The following FMN2 variants were observed in gnomAD, a reference collection of about 807,000 sequenced individuals.
FMN2 encodes formin 2.
FMN2 carries 51 observed loss-of-function variants against 142.3 expected under a neutral mutation model. The ratio of observed to expected loss-of-function variants is 0.36; its 90% CI spans 0.29 to 0.45. The LOEUF (loss-of-function observed/expected upper bound fraction) is 0.45, where lower values mean the gene tolerates loss of function less well. FMN2 is among the 20% of genes least tolerant of loss of function. The probability of loss-of-function intolerance (pLI) is 1.00; values close to 1 mark genes in which losing one functional copy is unlikely to be tolerated. For missense variants in FMN2, 1,936 were observed against 2,122.8 expected (o/e 0.91, Z 1.73); for synonymous variants, 882 against 869.8 (o/e 1.01, Z -0.25).
chr1:240,433,879 T>C (rs1675264287), intron 15 of FMN2, among the ~76,000 whole-genome samples: 1 of 152,212 alleles, frequency 6.6e-6, no homozygotes, highest in African/African-American at 2.4e-5. Flanking sequence ...CCTAGGTCTT[T>C]GTAGGTCTGT....
rs1291244444 is a variant in FMN2 at position 240,473,919 on chromosome 1, A to C, written c.5143-209A>C. ...AATTTTTAAAACTTTTTTTTTTCTC[A>C]AAAGTATTTGGCGATTTGTCTTGAT... On this transcript the variant is annotated intron_variant, in intron 17 of 17. Coordinates refer to ENST00000319653, the MANE Select transcript of FMN2 (RefSeq NM_020066.5). The surrounding 1 kb of genome is among the most constrained non-coding windows in gnomAD (Gnocchi z 4.3). 6.6e-6 allele frequency among the ~76,000 whole-genome samples: 1 copy of C among 151,496 alleles called. No homozygotes were observed. Among genetic ancestry groups the C allele is most frequent in the Non-Finnish European group, 1.5e-5 (1 of 67,860 alleles).
intron 1 of FMN2, among the ~76,000 whole-genome samples, chr1:240,120,009 C>A (rs1414222066): frequency 6.6e-6 from 1 of 152,144 alleles, no homozygotes; most frequent in South Asian, 2.1e-4. Context: ...AACTGAAGTT[C>A]TGTAGGGGAA....
chr1:240,148,222 AGAGAGACAGAGACC>A (rs147120370), intron 2 of FMN2, among the ~76,000 whole-genome samples: 68,907 of 147,846 alleles, frequency 0.47, 16,873 homozygotes, highest in South Asian at 0.65. Flanking sequence ...AGACAGAGAC[AGAGAGACAGAGACC>A]GAGAGAGACA....
intron 3 of FMN2, among the ~76,000 whole-genome samples, chr1:240,187,083 G>A (rs1445157297): frequency 2.0e-5 from 3 of 149,150 alleles, no homozygotes; most frequent in Non-Finnish European, 4.5e-5. Context: ...TGGCCAACAT[G>A]GTGAAACCCC....
intron 3 of FMN2, among the ~76,000 whole-genome samples, chr1:240,183,973 T>G (rs1665265383): frequency 6.6e-6 from 1 of 152,168 alleles, no homozygotes; most frequent in South Asian, 2.1e-4. Context: ...ACTTCATTCA[T>G]TTTTAGAAGG....
chr1:240,214,305 A>C (rs569528377), intron 6 of FMN2, among the ~76,000 whole-genome samples: 79 of 152,228 alleles, frequency 5.2e-4, no homozygotes, highest in Non-Finnish European at 1.0e-3. Context: ...TAATCCCAGC[A>C]CTTTCAGAGG....
chr1:240,234,902 A>G (rs972603031), intron 6 of FMN2, among the ~76,000 whole-genome samples: 81 of 152,314 alleles, frequency 5.3e-4, no homozygotes, highest in Non-Finnish European at 9.0e-4. Flanking sequence ...GTCAGCTTCT[A>G]ATGTTTGTAA....
At chr1:240,292,345 A>G (rs1185562612) in intron 7 of FMN2, among the ~76,000 whole-genome samples, 3 of 152,230 alleles carry the variant, frequency 2.0e-5, no homozygotes, top group Admixed American at 2.0e-4. Context: ...TAAAAAATGC[A>G]TTCAGTCATT....
intron 7 of FMN2, among the ~76,000 whole-genome samples, chr1:240,265,917 G>GTTTTTTTTTTTTTTT (rs34557711): frequency 2.9e-5 from 4 of 136,010 alleles, no homozygotes; most frequent in Non-Finnish European, 3.1e-5. Flanking sequence ...AAAGGGGTTT[G>GTTTTTTTTTTTTTTT]TTTTTTTTTT....
intron 16 of FMN2, among the ~76,000 whole-genome samples, chr1:240,457,105 A>G (rs922826904): frequency 1.3e-5 from 2 of 152,228 alleles, no homozygotes; most frequent in Admixed American, 1.3e-4. Flanking sequence ...ACAACAGATT[A>G]CACCTCTCAA....
chr1:240,330,894 G>T (rs1671352292), intron 11 of FMN2, 145 bp downstream of exon 11: 1 of 906,604 alleles, frequency 1.1e-6, no homozygotes, highest in Admixed American at 3.5e-5. Flanking sequence ...AAAAAGTAAT[G>T]TCCATCAGAT....
intron 7 of FMN2, among the ~76,000 whole-genome samples, chr1:240,286,923 T>C (rs1359128283): frequency 6.6e-6 from 1 of 152,208 alleles, no homozygotes; most frequent in Non-Finnish European, 1.5e-5. Flanking sequence ...TGTGGTGTAA[T>C]TGTTGTGTAG....
intron 7 of FMN2, among the ~76,000 whole-genome samples, chr1:240,290,968 C>G (rs373650921): frequency 3.3e-5 from 5 of 151,814 alleles, no homozygotes; most frequent in African/African-American, 1.2e-4. Context: ...CATGCACCAC[C>G]ACACCTGGCT....
At chr1:240,232,576 T>C (rs1667565224) in intron 6 of FMN2, among the ~76,000 whole-genome samples, 1 of 152,268 alleles carries the variant, frequency 6.6e-6, no homozygotes, top group African/African-American at 2.4e-5. Flanking sequence ...TACTCTTTTC[T>C]GTATTCATGT....
At chr1:240,360,268 G>A (rs761249160) in intron 14 of FMN2, among the ~76,000 whole-genome samples, 2 of 152,132 alleles carry the variant, frequency 1.3e-5, no homozygotes, top group African/African-American at 2.4e-5. Flanking sequence ...CTTATACCTC[G>A]ATGAGAAACA....
At chr1:240,380,884 A>C (rs1673204606) in intron 14 of FMN2, among the ~76,000 whole-genome samples, 1 of 152,196 alleles carries the variant, frequency 6.6e-6, no homozygotes, top group South Asian at 2.1e-4. Context: ...AAGCACAATC[A>C]GAAATGATAA....
At chr1:240,293,826 G>T (rs778167743) in intron 7 of FMN2, among the ~76,000 whole-genome samples, 5 of 152,044 alleles carry the variant, frequency 3.3e-5, no homozygotes, top group African/African-American at 4.8e-5. Flanking sequence ...ACCTTGTTTA[G>T]ATTTCTTATC....
At position 240,473,512 on chromosome 1, in the gene FMN2, G is replaced by A. The variant is rs191795645; in HGVS notation, c.5143-616G>A. ...GAATTAGTCTAATGTAGTCTAAAGG[G>A]AAAAGACATTAAAATAACCCAAATT... On this transcript the variant is annotated intron_variant, in intron 17 of 17. Coordinates refer to ENST00000319653, the MANE Select transcript of FMN2 (RefSeq NM_020066.5). The surrounding 1 kb of genome is among the most constrained non-coding windows in gnomAD (Gnocchi z 4.3). 1.3e-5 allele frequency among the ~76,000 whole-genome samples: 2 copies of A among 152,242 alleles called. No individual in the cohort carries two copies. Among genetic ancestry groups the A allele is most frequent in the East Asian group, 3.9e-4 (2 of 5,182 alleles).
intron 13 of FMN2, among the ~76,000 whole-genome samples, chr1:240,352,494 A>G (rs1314649821): frequency 6.6e-6 from 1 of 152,150 alleles, no homozygotes; most frequent in East Asian, 1.9e-4. Context: ...AGGCACAAGA[A>G]TCGCTTGAAC....
Sources: gnomAD v4.1 joint callset for allele counts (sites outside exome capture counted in the v4.1 genomes callset) on GRCh38, gnomAD v4.1.1 for gene constraint, Gnocchi (gnomAD v3.1) non-coding constraint, MANE v1.5 for transcripts, NCBI Gene and HGNC (gene_info 2026-07-23, HGNC 2026-07-21) for gene names.